Variants in APBB3 observed in about 807,000 individuals in gnomAD.
APBB3 encodes the protein amyloid-beta A4 precursor protein-binding family B member 3.
A neutral mutation model predicts 61.5 loss-of-function variants in APBB3; 50 were observed. That is an observed-to-expected ratio of 0.81 (90% CI 0.65 to 1.03). APBB3 has a LOEUF of 1.03. Ranked by LOEUF, APBB3 falls within the 50% of genes least tolerant of loss-of-function variation. APBB3 has a pLI of 0.00. For missense variants in APBB3, 550 were observed against 637.4 expected, an observed-to-expected ratio of 0.86 and a Z score of 1.48; for synonymous variants, 235 against 233.0, an observed-to-expected ratio of 1.01 and a Z score of -0.08.
At position 140,561,461 on chromosome 5, in the gene APBB3, T is replaced by C; in HGVS notation, c.748-12A>G. 2 of 1,613,978 alleles carry C rather than the reference T, an allele frequency of 1.2e-6. No individual in the cohort carries two copies. Among genetic ancestry groups the C allele is most frequent in the African/African-American group, 1.3e-5 (1 of 74,958 alleles). On this transcript the variant is annotated splice_polypyrimidine_tract_variant and intron_variant, in intron 8 of 12. Coordinates refer to ENST00000357560, the MANE Select transcript of APBB3 (RefSeq NM_133173.3). ...CGCTCTGACAAGATCTAAAACACAA[T>C]GAAGCCAGCATGACCCACAGGGAGA...
chr5:140,561,523 A>G, intron 8 of APBB3, 64 bp downstream of exon 8: 2 of 1,613,156 alleles, frequency 1.2e-6, no homozygotes, highest in Non-Finnish European at 1.7e-6. Flanking sequence ...TACCACCCCA[A>G]CTACCTTGGA....
In APBB3 at chr5:140,564,584, A is replaced by C. The variant is rs1486554481; in HGVS notation, c.-339T>G. ...GAACTCATCAGGCGCCTGAAGACCGACACGCCGAACATGCGCCGCGCGCAC... is the reference window on the plus strand; with the variant it reads ...GAACTCATCAGGCGCCTGAAGACCGCCACGCCGAACATGCGCCGCGCGCAC... On this transcript the variant is annotated 5_prime_UTR_variant, in exon 1 of 13. Transcript: ENST00000357560. This position sits in a 1 kb window ranked among gnomAD's most constrained non-coding sequence, Gnocchi z 5.0. The C allele has an allele frequency of 1.1e-5, 5 of 471,402 alleles. No individual in the cohort carries two copies. In the East Asian group the frequency reaches 1.3e-4, roughly 12 times the overall value. The allele number at this position is 471,402 out of a possible 1,614,324, so 29.2% of individuals were successfully genotyped here.
chr5:140,564,004 A>C lies in APBB3; in HGVS notation c.50-89T>G. The C allele has an allele frequency of 1.3e-6, 2 of 1,528,266 alleles. No individual in the cohort carries two copies. Among genetic ancestry groups the C allele is most frequent in the African/African-American group, 1.4e-5 (1 of 73,214 alleles). 94.7% of individuals were successfully genotyped at this position (1,528,266 alleles called of 1,614,324 possible). A position where few individuals can be genotyped will look rare whatever the true frequency, so the allele number is the denominator to read the frequency against. ...TCATAATCCCCTCTCCATCCCCAAA[A>C]TGGGTCAGTTCTTAGGCTGAAGATC... is the stretch of plus-strand genomic sequence containing the variant. On this transcript the variant is annotated intron_variant, in intron 1 of 12. Transcript: ENST00000357560. This position sits in a 1 kb window ranked among gnomAD's most constrained non-coding sequence, Gnocchi z 5.0.
At chr5:140,558,886 C>T in intron 12 of APBB3, 65 bp from the exon 13 acceptor site, 1 of 1,454,652 alleles carries the variant, frequency 6.9e-7, no homozygotes, top group Non-Finnish European at 9.6e-7. Flanking sequence ...AAAGCTTCTG[C>T]AGGACAGGGA....
Position 140,563,621 on chromosome 5 carries a change from G to A in APBB3, c.263C>T (p.Ser88Phe). The change falls in exon 3 of 13, where the codon TCC becomes TTC. Residue 88 changes from serine to phenylalanine, a missense_variant. Ser to Phe is a radical substitution (Grantham distance 155, BLOSUM62 -2). Around this residue, in one of 3 missense-constraint regions of APBB3, gnomAD observed 405 missense variants for 483.4 expected, o/e 0.84. Coordinates refer to ENST00000357560, the MANE Select transcript of APBB3 (RefSeq NM_133173.3). ...CCGGTCCAGTGAACTCTCCAGGCTG[G>A]AGAAGGATCTCCCTTTGGGGGGCCG... is the stretch of plus-strand genomic sequence containing the variant. ...GLRPPKGRSF[S>F]SLESSLDRSN... 1 of 1,614,218 alleles carries A rather than the reference G, an allele frequency of 6.2e-7. No individual in the cohort carries two copies. Among genetic ancestry groups the A allele is most frequent in the Non-Finnish European group, 8.5e-7 (1 of 1,180,034 alleles).
chr5:140,559,746 G>C (rs1034758359), intron 12 of APBB3, among the ~76,000 whole-genome samples: 1 of 152,158 alleles, frequency 6.6e-6, no homozygotes, highest in Non-Finnish European at 1.5e-5. Flanking sequence ...ACCCCTAAAG[G>C]GGCCACCTCT....
At position 140,561,048 on chromosome 5, in the gene APBB3, T is replaced by C; in HGVS notation, c.886A>G (p.Met296Val). Residue 296 changes from methionine to valine, a missense_variant, in exon 10 of 13, where the codon ATG (methionine) becomes GTG (valine). Coordinates refer to ENST00000357560, the MANE Select transcript of APBB3 (RefSeq NM_133173.3). ...GCCTTGGTGACTGGCAGTGTCCCCA[T>C]ATACAGTGCCTCGTACTTCTGAGCA... is the stretch of plus-strand genomic sequence containing the variant. The part of the protein sequence containing the change: ...QAAQKYEALY[M>V]GTLPVTKAMG... The C allele has an allele frequency of 1.2e-6, 2 of 1,613,818 alleles. No homozygotes were observed. Among genetic ancestry groups the C allele is most frequent in the Non-Finnish European group, 1.7e-6 (2 of 1,180,032 alleles).
chr5:140,563,445 A>T, intron 3 of APBB3, 149 bp downstream of exon 3: 1 of 816,074 alleles, frequency 1.2e-6, no homozygotes, highest in Non-Finnish European at 2.0e-6. Flanking sequence ...ACTGACAGTT[A>T]AGAACCTGGG....
Position 140,558,788 on chromosome 5 carries a change from C to A in APBB3, c.1258G>T (p.Ala420Ser). Residue 420 changes from alanine to serine, a missense_variant, in exon 13 of 13, where the codon GCT becomes TCT. Physicochemically the swap from Ala to Ser is moderately conservative, Grantham distance 99. This residue lies in a region of APBB3 where 138 missense variants were observed against 132.6 expected (regional missense o/e 1.04). Coordinates refer to ENST00000357560, the MANE Select transcript of APBB3 (RefSeq NM_133173.3). ...QYQKCLVASA[A>S]RGKAWGAQAR... ...TGGGCACCCCAGGCCTTGCCTCGAG[C>A]TGCAGAGGCCACAAGACACTTCTGG... The A allele has an allele frequency of 6.2e-7, 1 of 1,610,776 alleles. No homozygotes were observed. The highest frequency in any genetic ancestry group is 8.5e-7 in the Non-Finnish European group (1 of 1,179,218).
chr5:140,564,085 G>A lies in APBB3; in HGVS notation c.49+112C>T. ...TAAAGACCGGGTTCATTCGCCCCCTGGTCCCTACACAGAGAGGTATCCCCC... is the reference window on the plus strand; with the variant it reads ...TAAAGACCGGGTTCATTCGCCCCCTAGTCCCTACACAGAGAGGTATCCCCC... On this transcript the variant is annotated intron_variant, in intron 1 of 12. Coordinates refer to ENST00000357560, the MANE Select transcript of APBB3 (RefSeq NM_133173.3). This position sits in a 1 kb window ranked among gnomAD's most constrained non-coding sequence, Gnocchi z 5.0. 6.6e-7 allele frequency: 1 copy of A among 1,510,594 alleles called. No individual in the cohort carries two copies. The highest frequency in any genetic ancestry group is 9.1e-7 in the Non-Finnish European group (1 of 1,103,614). 93.6% of individuals were successfully genotyped at this position (1,510,594 alleles called of 1,614,324 possible). A position where few individuals can be genotyped will look rare whatever the true frequency, so the allele number is the denominator to read the frequency against.
In APBB3 at chr5:140,558,522, A is replaced by C; in HGVS notation, c.*63T>G. The stretch of plus-strand genomic sequence containing the variant: ...GAGTGACAGGCTATAGGCCTTGAGG[A>C]ATAAAACGGTACAGAGTTAGGCATG... On this transcript the variant is annotated 3_prime_UTR_variant, in exon 13 of 13. Transcript: ENST00000357560. The C allele has an allele frequency of 6.6e-7, 1 of 1,504,762 alleles. No individual in the cohort carries two copies. Among genetic ancestry groups the C allele is most frequent in the Non-Finnish European group, 9.3e-7 (1 of 1,080,110 alleles). 93.2% of individuals were successfully genotyped at this position (1,504,762 alleles called of 1,614,324 possible). A position where few individuals can be genotyped will look rare whatever the true frequency, so the allele number is the denominator to read the frequency against.
In APBB3 at chr5:140,558,344, T is replaced by C. The variant is rs1754786180; in HGVS notation, c.*241A>G. On this transcript the variant is annotated 3_prime_UTR_variant, in exon 13 of 13. Transcript: ENST00000357560. ...TGAGGTAGAGCCAACTGTCCAGGGT[T>C]GGACAGGGGCAAGGAACACAAGGAC... The C allele has an allele frequency of 1.1e-5, 7 of 616,776 alleles. No homozygotes were observed. The South Asian group carries it at 1.3e-4, about 11-fold the overall frequency. The allele number at this position is 616,776 out of a possible 1,614,324, so 38.2% of individuals were successfully genotyped here.
intron 8 of APBB3, 49 bp from the exon 9 acceptor site, chr5:140,561,498 G>C (rs1400389123): frequency 6.2e-7 from 1 of 1,613,610 alleles, no homozygotes; most frequent in African/African-American, 1.3e-5. Context: ...AGGGGAATTA[G>C]GGTAAAAGGG....
rs764762969 is a variant in APBB3 at position 140,561,642 on chromosome 5, C to T, written c.692G>A (p.Cys231Tyr). ...AATGGCCTTGGCAGGGACATCACAG[C>T]AAAACACATGGCACTTGAGCATACA... ...DSCMLKCHVF[C>Y]CDVPAKAIAS... Residue 231 changes from cysteine (C) to tyrosine (Y), a missense_variant, in exon 8 of 13, where the codon TGC becomes TAC. Cys to Tyr is a radical substitution (Grantham distance 194, BLOSUM62 -2). Transcript: ENST00000357560. 3.2e-5 allele frequency: 51 copies of T among 1,614,118 alleles called. No homozygotes were observed. In the Middle Eastern group the frequency reaches 6.6e-4, roughly 21 times the overall value.
chr5:140,558,499 G>A lies in APBB3; in HGVS notation c.*86C>T. ...GGACAGGCAGAGAAGGCTTCAAGGA[G>A]TGACAGGCTATAGGCCTTGAGGAAT... On this transcript the variant is annotated 3_prime_UTR_variant, in exon 13 of 13. Coordinates refer to ENST00000357560, the MANE Select transcript of APBB3 (RefSeq NM_133173.3). The A allele has an allele frequency of 7.8e-7, 1 of 1,285,782 alleles. No homozygotes were observed. Among genetic ancestry groups the A allele is most frequent in the Non-Finnish European group, 1.1e-6 (1 of 882,238 alleles). 79.6% of individuals were successfully genotyped at this position (1,285,782 alleles called of 1,614,324 possible). A position where few individuals can be genotyped will look rare whatever the true frequency, so the allele number is the denominator to read the frequency against.
chr5:140,563,837 C>A lies in APBB3; in HGVS notation c.128G>T (p.Gly43Val). ...GCTGGGTACATGCCAGTAGTAAGTA[C>A]CTGCAGCATCGTGGATCTTCCTCCA... is the stretch of plus-strand genomic sequence containing the variant. The part of the protein sequence containing the change: ...PGWRKIHDAA[G>V]TYYWHVPSGS... The change falls in exon 2 of 13, where the codon GGT (glycine) becomes GTT (valine). Residue 43 changes from glycine to valine, a missense_variant. Around this residue, in one of 3 missense-constraint regions of APBB3, gnomAD observed 405 missense variants for 483.4 expected, o/e 0.84. Transcript: ENST00000357560. The A allele has an allele frequency of 1.2e-6, 2 of 1,614,190 alleles. No homozygotes were observed. Among genetic ancestry groups the A allele is most frequent in the South Asian group, 2.2e-5 (2 of 91,084 alleles).
Position 140,560,331 on chromosome 5 carries a change from A to T in APBB3, c.1206T>A (p.Ala402=), listed in dbSNP as rs1561869220. 6.2e-7 allele frequency: 1 copy of T among 1,613,510 alleles called. No homozygotes were observed. Among genetic ancestry groups the T allele is most frequent in the Non-Finnish European group, 8.5e-7 (1 of 1,179,942 alleles). Residue 402 remains alanine (A), a synonymous_variant, in exon 12 of 13, where the codon GCT becomes GCA. Transcript: ENST00000357560. The surrounding 1 kb of genome is among the most constrained non-coding windows in gnomAD (Gnocchi z 5.1). ...CQPHAGGLSE[A]VQAACMVQYQ... Reference sequence around the variant, plus strand: ...GACTCACCATACAGGCAGCCTGCACAGCTTCAGAGAGTCCCCCTGCATGGG... The same window carrying T: ...GACTCACCATACAGGCAGCCTGCACTGCTTCAGAGAGTCCCCCTGCATGGG...
In APBB3 at chr5:140,560,920, G is replaced by A; in HGVS notation, c.916+98C>T. The A allele has an allele frequency of 2.1e-6, 3 of 1,455,498 alleles. No homozygotes were observed. The highest frequency in any genetic ancestry group is 1.2e-5 in the South Asian group (1 of 84,194). The allele number at this position is 1,455,498 out of a possible 1,614,324, so 90.2% of individuals were successfully genotyped here. On this transcript the variant is annotated intron_variant, in intron 10 of 12. Coordinates refer to ENST00000357560, the MANE Select transcript of APBB3 (RefSeq NM_133173.3). The surrounding 1 kb of genome is among the most constrained non-coding windows in gnomAD (Gnocchi z 5.1). ...CTGGTAGACCCCAGGCCATAACAAG[G>A]CCACGGGAGGACTCTTGAGAAATGA...
Position 140,560,952 on chromosome 5 carries a change from G to A in APBB3, c.916+66C>T, listed in dbSNP as rs1754924956. On this transcript the variant is annotated intron_variant, in intron 10 of 12. Transcript: ENST00000357560. The surrounding 1 kb of genome is among the most constrained non-coding windows in gnomAD (Gnocchi z 5.1). ...GAGGACTCTTGAGAAATGATAACAG[G>A]CCTCACCTCACTCACCTTCCCCTTG... is the stretch of plus-strand genomic sequence containing the variant. The A allele has an allele frequency of 3.2e-6, 5 of 1,546,462 alleles. No homozygotes were observed. In the Admixed American group the frequency reaches 8.5e-5, roughly 26 times the overall value.
Sources: allele counts gnomAD v4.1 joint callset (sites outside exome capture counted in the v4.1 genomes callset), GRCh38; gene constraint gnomAD v4.1.1; regional missense constraint gnomAD v4.1.1; non-coding constraint Gnocchi (gnomAD v3.1); transcripts MANE v1.5; gene names NCBI Gene and HGNC (gene_info 2026-07-23, HGNC 2026-07-21).